The following DNM3 variants were observed in gnomAD, a reference collection of about 807,000 sequenced individuals.
DNM3 encodes dynamin-3.
Under a neutral mutation model 101.6 loss-of-function variants are expected in DNM3, and 47 were observed. The observed-to-expected ratio is 0.46, with a 90% CI of 0.37 to 0.59. DNM3 has a LOEUF of 0.59. DNM3 is among the 20% of genes least tolerant of loss of function. The probability of loss-of-function intolerance (pLI) is 0.00; values close to 1 mark genes in which losing one functional copy is unlikely to be tolerated. For synonymous variants in DNM3, 385 were observed against 387.9 expected (o/e 0.99, Z 0.09); for missense variants, 849 against 1,085.7 (o/e 0.78, Z 3.06).
intron 1 of DNM3, among the ~76,000 whole-genome samples, chr1:171,848,703 G>C (rs2032532580): frequency 6.6e-6 from 1 of 152,152 alleles, no homozygotes; most frequent in African/African-American, 2.4e-5. Flanking sequence ...CTTTTTGTGT[G>C]TGTGTTTGCA....
intron 11 of DNM3, among the ~76,000 whole-genome samples, chr1:172,076,949 C>G (rs1444152590): frequency 6.6e-6 from 1 of 151,988 alleles, no homozygotes; most frequent in Non-Finnish European, 1.5e-5. Flanking sequence ...TGGTCCTGGG[C>G]TTTTTTTGGT....
At chr1:171,846,740 C>T (rs551616556) in intron 1 of DNM3, among the ~76,000 whole-genome samples, 20 of 152,224 alleles carry the variant, frequency 1.3e-4, no homozygotes, top group African/African-American at 4.6e-4. Flanking sequence ...GCAATTTATC[C>T]TAGTCCAAGT....
chr1:172,372,875 G>A (rs557895525), intron 17 of DNM3, among the ~76,000 whole-genome samples: 1 of 151,506 alleles, frequency 6.6e-6, no homozygotes, highest in Non-Finnish European at 1.5e-5. Flanking sequence ...GTAGAGACCA[G>A]GTTTCATCAT....
At chr1:172,137,438 A>G (rs1320069978) in intron 14 of DNM3, 2 of 152,162 alleles carry the variant, frequency 1.3e-5, no homozygotes, top group Non-Finnish European at 2.9e-5. Context: ...AACTTTAATC[A>G]TATTTGTGCT....
At chr1:172,389,868 C>T (rs1176692888) in intron 20 of DNM3, among the ~76,000 whole-genome samples, 1 of 152,136 alleles carries the variant, frequency 6.6e-6, no homozygotes, top group Non-Finnish European at 1.5e-5. Flanking sequence ...TAAGCTAGTA[C>T]ACAGAGGGTG....
chr1:172,011,346 A>T (rs2047112886), intron 4 of DNM3, among the ~76,000 whole-genome samples: 1 of 152,012 alleles, frequency 6.6e-6, no homozygotes, highest in Non-Finnish European at 1.5e-5. Flanking sequence ...GCATGGATTT[A>T]AAAAAGACAT....
chr1:171,928,909 G>C (rs1024593446), intron 2 of DNM3, among the ~76,000 whole-genome samples: 1 of 152,204 alleles, frequency 6.6e-6, no homozygotes, highest in Non-Finnish European at 1.5e-5. Flanking sequence ...AGTACCTGGA[G>C]GTATCACCAG....
intron 16 of DNM3, among the ~76,000 whole-genome samples, chr1:172,314,268 G>A (rs112870375): frequency 0.064 from 9,798 of 152,228 alleles, 998 homozygotes; most frequent in African/African-American, 0.22. Flanking sequence ...CAAGATGGCC[G>A]AATAGGAACA....
At chr1:172,233,027 A>G (rs2061397690) in intron 14 of DNM3, among the ~76,000 whole-genome samples, 1 of 152,230 alleles carries the variant, frequency 6.6e-6, no homozygotes, top group Non-Finnish European at 1.5e-5. Flanking sequence ...AAGGCAAGAA[A>G]TAACTAAGAT....
intron 14 of DNM3, chr1:172,138,207 A>G (rs2057356910): frequency 6.6e-6 from 1 of 152,128 alleles, no homozygotes; most frequent in Admixed American, 6.6e-5. Flanking sequence ...ACTAGTTGGA[A>G]ATAGTAGTCT....
chr1:172,044,338 T>C lies in DNM3; in HGVS notation c.1129-47T>C, dbSNP rs116697014. The stretch of plus-strand genomic sequence containing the variant: ...CATTCTGTAATGTTCAACAATATTA[T>C]TCAAAGGAATTAAGTGTCATAACTA... On this transcript the variant is annotated intron_variant, in intron 8 of 20. Coordinates refer to ENST00000627582, the MANE Select transcript of DNM3 (RefSeq NM_015569.5). The C allele has an allele frequency of 5.6e-4, 828 of 1,473,030 alleles. 2 individuals are homozygous for C. The African/African-American group carries it at 0.011, about 19-fold the overall frequency. 91.2% of individuals were successfully genotyped at this position (1,473,030 alleles called of 1,614,324 possible).
chr1:172,265,985 C>T (rs1163651929), intron 15 of DNM3, among the ~76,000 whole-genome samples: 1 of 152,126 alleles, frequency 6.6e-6, no homozygotes, highest in Non-Finnish European at 1.5e-5. Context: ...TTCACCTCCT[C>T]CCCCTTTTCC....
At chr1:172,347,176 T>TC (rs1320268335) in intron 17 of DNM3, among the ~76,000 whole-genome samples, 2 of 145,504 alleles carry the variant, frequency 1.4e-5, no homozygotes, top group Non-Finnish European at 3.0e-5. Context: ...AGTACCACCC[T>TC]CAGAGGAACT....
At chr1:172,122,208 T>C (rs1219267660) in intron 13 of DNM3, among the ~76,000 whole-genome samples, 1 of 152,180 alleles carries the variant, frequency 6.6e-6, no homozygotes, top group Non-Finnish European at 1.5e-5. Flanking sequence ...TGTTTTACCA[T>C]CAAGTTTCAA....
At chr1:172,151,848 G>A (rs188923488) in intron 14 of DNM3, among the ~76,000 whole-genome samples, 67 of 152,130 alleles carry the variant, frequency 4.4e-4, no homozygotes, top group Non-Finnish European at 4.3e-4. Flanking sequence ...TCTGAAGAGA[G>A]GAAAACAGTG....
chr1:172,150,827 C>T (rs2058099542), intron 14 of DNM3, among the ~76,000 whole-genome samples: 1 of 152,210 alleles, frequency 6.6e-6, no homozygotes, highest in African/African-American at 2.4e-5. Flanking sequence ...AAGCTTTATG[C>T]AGGTAGGGCT....
chr1:172,048,871 A>G (rs1177707651), intron 10 of DNM3, 121 bp downstream of exon 10: 2 of 1,255,900 alleles, frequency 1.6e-6, no homozygotes, highest in Non-Finnish European at 2.2e-6. Context: ...GTTTGCCTAC[A>G]GGGAATGGTT....
chr1:171,921,642 C>T lies in DNM3; in HGVS notation c.162-106C>T, dbSNP rs1402583575. The T allele has an allele frequency of 1.2e-5, 10 of 851,944 alleles. No homozygotes were observed. The Admixed American group carries it at 2.1e-4, about 18-fold the overall frequency. The allele number at this position is 851,944 out of a possible 1,614,324, so 52.8% of individuals were successfully genotyped here. A position where few individuals can be genotyped will look rare whatever the true frequency, so the allele number is the denominator to read the frequency against. ...CCTATCATTGTTTGGATAAGCGATA[C>T]ATTGAAAGGTTGGGAATTAGGAGAA... is the stretch of plus-strand genomic sequence containing the variant. On this transcript the variant is annotated intron_variant, in intron 1 of 20. Transcript: ENST00000627582.
chr1:172,215,196 A>G (rs1453990172), intron 14 of DNM3, among the ~76,000 whole-genome samples: 1 of 152,082 alleles, frequency 6.6e-6, no homozygotes, highest in Non-Finnish European at 1.5e-5. Flanking sequence ...TTCCAAGCTG[A>G]TTGGGCAGAG....
Sources: gnomAD v4.1 joint callset for allele counts (sites outside exome capture counted in the v4.1 genomes callset) on GRCh38, gnomAD v4.1.1 for gene constraint, MANE v1.5 for transcripts, NCBI Gene and HGNC (gene_info 2026-07-23, HGNC 2026-07-21) for gene names.